The following RNASET2 variants were observed in gnomAD, a reference collection of about 807,000 sequenced individuals.
RNASET2 encodes the protein ribonuclease T2, also known as ribonuclease 6.
RNASET2 carries 28 observed loss-of-function variants against 33.9 expected under a neutral mutation model. That is an observed-to-expected ratio of 0.83 (90% confidence interval 0.61 to 1.13). The LOEUF (loss-of-function observed/expected upper bound fraction) is 1.13, where lower values mean the gene tolerates loss of function less well. Ranked by LOEUF, RNASET2 falls within the 50% of genes most tolerant of loss-of-function variation. The pLI is 0.00. For missense variants in RNASET2, 330 were observed against 319.9 expected, an observed-to-expected ratio of 1.03 and a Z score of -0.24; for synonymous variants, 123 against 121.0, an observed-to-expected ratio of 1.02 and a Z score of -0.11.
At chr6:166,932,179 C>G (rs1022432317) in intron 7 of RNASET2, 3 of 152,652 alleles carry the variant, frequency 2.0e-5, no homozygotes, top group African/African-American at 7.2e-5. Flanking sequence ...CGGCCAAGTC[C>G]AAGCTCCCCA....
chr6:166,949,500 CAAAAAAAAAA>C (rs61621125), intron 2 of RNASET2, among the ~76,000 whole-genome samples: 3 of 44,406 alleles, frequency 6.8e-5, no homozygotes, highest in South Asian at 1.2e-3. Context: ...GACTCCATCT[CAAAAAAAAAA>C]AAAAAAAAAA....
rs1224137151 is a variant in RNASET2, at chr6:166,930,793, C to T, written c.567+251G>A. Among the ~76,000 whole-genome samples the T allele has an allele frequency of 2.7e-5, 4 of 149,264 alleles. No homozygotes were observed. In the East Asian group the frequency reaches 5.9e-4, roughly 22 times the overall value. ...CACACACATGCACACATAGCACATG[C>T]CCACATGCATGTACACACACATGCA... is the stretch of plus-strand genomic sequence containing the variant. On this transcript the variant is annotated intron_variant, in intron 8 of 8. Coordinates refer to ENST00000508775, the MANE Select transcript of RNASET2 (RefSeq NM_003730.6).
At chr6:166,942,762 G>C (rs1469922279) in intron 5 of RNASET2, among the ~76,000 whole-genome samples, 6 of 152,154 alleles carry the variant, frequency 3.9e-5, no homozygotes, top group African/African-American at 1.4e-4. Flanking sequence ...TTAAAGCAAA[G>C]TAATAAATAC....
intron 4 of RNASET2, among the ~76,000 whole-genome samples, chr6:166,945,988 C>T (rs570926471): frequency 6.6e-6 from 1 of 152,326 alleles, no homozygotes; most frequent in South Asian, 2.1e-4. Context: ...TTACCACCCC[C>T]TCCCTGGGGT....
Position 166,926,565 on chromosome 6 carries a change from A to G in RNASET2, c.*3023T>C, listed in dbSNP as rs921115751. On this transcript the variant is annotated 3_prime_UTR_variant, in exon 9 of 9. Coordinates refer to ENST00000508775, the MANE Select transcript of RNASET2 (RefSeq NM_003730.6). ...AAAAAAAAAGAAAAGAAAAGAAAAG[A>G]TATCTAGTTCTGAATATGATACAAT... Among the ~76,000 whole-genome samples, 1 of 151,508 alleles carries G rather than the reference A, an allele frequency of 6.6e-6. No individual in the cohort carries two copies. The highest frequency in any genetic ancestry group is 2.4e-5 in the African/African-American group (1 of 41,270).
chr6:166,943,843 C>A, intron 4 of RNASET2: 1 of 443,142 alleles, frequency 2.3e-6, no homozygotes, highest in Non-Finnish European at 4.7e-6. Context: ...AAACATTGGC[C>A]GGGCACGGTG....
At chr6:166,952,459 C>T in intron 2 of RNASET2, 29 bp downstream of exon 2, 3 of 1,607,538 alleles carry the variant, frequency 1.9e-6, no homozygotes, top group East Asian at 2.2e-5. Context: ...TCCCCAGGCC[C>T]CAGGGCCCGT....
At position 166,929,588 on chromosome 6, in the gene RNASET2, T is replaced by C. The variant is rs1230977284; in HGVS notation, c.771A>G (p.Ter257TrpextTer10). 1 of 1,613,992 alleles carries C rather than the reference T, an allele frequency of 6.2e-7. No homozygotes were observed. The highest frequency in any genetic ancestry group is 8.5e-7 in the Non-Finnish European group (1 of 1,179,934). The change falls in exon 9 of 9, where the codon TGA (stop) becomes TGG (tryptophan). Residue 257 changes from the stop codon to tryptophan, a stop_lost. Transcript: ENST00000508775. Reference sequence around the variant, plus strand: ...ACAGAATATTTCCAAAACTTGGGCATCAATGCTTGGTCTTTTTAGGTGGGG... The same window carrying C: ...ACAGAATATTTCCAAAACTTGGGCACCAATGCTTGGTCTTTTTAGGTGGGG... ...FYPPPKKTKH[*>W]
chr6:166,956,196 G>T lies in RNASET2; in HGVS notation c.-14C>A, dbSNP rs886061242. 1.4e-5 allele frequency: 22 copies of T among 1,546,996 alleles called. No individual in the cohort carries two copies. The highest frequency in any genetic ancestry group is 1.7e-5 in the Non-Finnish European group (20 of 1,144,914). On this transcript the variant is annotated 5_prime_UTR_variant, in exon 1 of 9. Coordinates refer to ENST00000508775, the MANE Select transcript of RNASET2 (RefSeq NM_003730.6). Reference sequence around the variant, plus strand: ...TGCAGGGCGCATGGTGCCGACCTGCGGAGAGAACGCTGCCAGCTGCCGCTC... The same window carrying T: ...TGCAGGGCGCATGGTGCCGACCTGCTGAGAGAACGCTGCCAGCTGCCGCTC...
chr6:166,922,385 C>T lies in RNASET2; in HGVS notation c.*7203G>A, dbSNP rs189846091. Among the ~76,000 whole-genome samples the T allele has an allele frequency of 2.0e-5, 3 of 150,796 alleles. No homozygotes were observed. Among genetic ancestry groups the T allele is most frequent in the South Asian group, 4.2e-4 (2 of 4,746 alleles). ...AAGTTGCATCCCACTGACCATCCCCCGGCTCCCCATCAAAAAAACCACTTG... is the reference window on the plus strand; with the variant it reads ...AAGTTGCATCCCACTGACCATCCCCTGGCTCCCCATCAAAAAAACCACTTG... On this transcript the variant is annotated 3_prime_UTR_variant, in exon 9 of 9. Coordinates refer to ENST00000508775, the MANE Select transcript of RNASET2 (RefSeq NM_003730.6).
At chr6:166,936,072 CTTAAT>C (rs1273693812) in intron 6 of RNASET2, among the ~76,000 whole-genome samples, 6 of 152,176 alleles carry the variant, frequency 3.9e-5, no homozygotes, top group African/African-American at 1.2e-4. Context: ...ATTTTGACTT[CTTAAT>C]TTAATTTTTA....
chr6:166,939,191 G>A (rs530359126), intron 5 of RNASET2, among the ~76,000 whole-genome samples, 183 bp from the exon 6 acceptor site: 9 of 152,130 alleles, frequency 5.9e-5, no homozygotes, highest in African/African-American at 1.7e-4. Flanking sequence ...AAAATTAGCC[G>A]AGTGTGGTGG....
At chr6:166,934,208 C>T (rs1051096148) in intron 6 of RNASET2, 72 bp from the exon 7 acceptor site, 158 of 983,178 alleles carry the variant, frequency 1.6e-4, no homozygotes, top group Middle Eastern at 6.9e-4. Flanking sequence ...TTTCAGGTAT[C>T]ATATTTCATG....
intron 3 of RNASET2, among the ~76,000 whole-genome samples, chr6:166,947,863 A>G (rs1778885654): frequency 6.6e-6 from 1 of 152,332 alleles, no homozygotes; most frequent in East Asian, 1.9e-4. Context: ...GTTACATAGA[A>G]AAGAATTAAC....
At chr6:166,955,539 T>G in intron 1 of RNASET2, 1 of 986,992 alleles carries the variant, frequency 1.0e-6, no homozygotes, top group Non-Finnish European at 1.2e-6. Context: ...CCTCCACGAC[T>G]TCTTCGACCT....
At chr6:166,945,584 A>C (rs1392627515) in intron 4 of RNASET2, among the ~76,000 whole-genome samples, 1 of 152,186 alleles carries the variant, frequency 6.6e-6, no homozygotes, top group African/African-American at 2.4e-5. Flanking sequence ...TAATCCCAGC[A>C]CTTTGGGAGG....
In RNASET2 at chr6:166,929,482, G is replaced by A. The variant is rs1778365999; in HGVS notation, c.*106C>T. The A allele has an allele frequency of 2.5e-6, 3 of 1,200,068 alleles. No homozygotes were observed. Among genetic ancestry groups the A allele is most frequent in the Admixed American group, 1.7e-5 (1 of 59,038 alleles). The allele number at this position is 1,200,068 out of a possible 1,614,324, so 74.3% of individuals were successfully genotyped here. On this transcript the variant is annotated 3_prime_UTR_variant, in exon 9 of 9. Transcript: ENST00000508775. ...AACATCCAATTCACAGGCATGGAGG[G>A]GAAACAGCAAAATAAACAGACTTCA...
At chr6:166,955,932 C>G (rs1295296195) in intron 1 of RNASET2, among the ~76,000 whole-genome samples, 165 bp downstream of exon 1, 1 of 152,082 alleles carries the variant, frequency 6.6e-6, no homozygotes, top group Non-Finnish European at 1.5e-5. Context: ...AACTTCCCAA[C>G]TTCTTCCCAG....
At position 166,925,554 on chromosome 6, in the gene RNASET2, C is replaced by T. The variant is rs1196545023; in HGVS notation, c.*4034G>A. Among the ~76,000 whole-genome samples the T allele has an allele frequency of 6.6e-6, 1 of 152,168 alleles. No individual in the cohort carries two copies. The highest frequency in any genetic ancestry group is 1.5e-5 in the Non-Finnish European group (1 of 68,018). ...TCCCCCGTCCAGCCCTCACCTCCAT[C>T]ATGCAGCCACTGTCTCTGCTGTCCA... On this transcript the variant is annotated 3_prime_UTR_variant, in exon 9 of 9. Transcript: ENST00000508775.
Sources: allele counts gnomAD v4.1 joint callset (sites outside exome capture counted in the v4.1 genomes callset), GRCh38; gene constraint gnomAD v4.1.1; transcripts MANE v1.5; gene names NCBI Gene and HGNC (gene_info 2026-07-23, HGNC 2026-07-21).